CNTNAP2: variants seen among roughly 807,000 people sequenced by gnomAD.
The protein encoded by CNTNAP2 is contactin-associated protein-like 2.
A neutral mutation model predicts 155.2 loss-of-function variants in CNTNAP2; 98 were observed. The observed-to-expected ratio is 0.63, with a 90% CI of 0.54 to 0.75. The LOEUF (loss-of-function observed/expected upper bound fraction) is 0.75, where lower values mean the gene tolerates loss of function less well. Among genes scored for constraint, CNTNAP2 ranks in the 30% least tolerant of loss-of-function variants. The pLI is 0.00. For synonymous variants in CNTNAP2, 651 were observed against 631.2 expected (o/e 1.03, Z -0.47); for missense variants, 1,727 against 1,688.1 (o/e 1.02, Z -0.40).
rs140660972 is a variant in CNTNAP2, at chr7:147,381,982, A to G, written c.1499-13627A>G. Among the ~76,000 whole-genome samples the G allele has an allele frequency of 3.4e-3, 519 of 152,174 alleles. 4 individuals are homozygous for G. Among genetic ancestry groups the G allele is most frequent in the East Asian group, 0.023 (118 of 5,182 alleles). On this transcript the variant is annotated intron_variant, in intron 9 of 23. Transcript: ENST00000361727. ...TTATGAAATATTCTAGCTAAAGTAT[A>G]ATTTAAAATAATATGGCTACTCTAA...
At chr7:147,747,299 A>G (rs971779932) in intron 13 of CNTNAP2, among the ~76,000 whole-genome samples, 1 of 152,178 alleles carries the variant, frequency 6.6e-6, no homozygotes, top group Non-Finnish European at 1.5e-5. Flanking sequence ...TCTCAATCAC[A>G]TCAGACTGGC....
chr7:147,526,115 A>G (rs1230005770), intron 11 of CNTNAP2, among the ~76,000 whole-genome samples: 2 of 150,340 alleles, frequency 1.3e-5, no homozygotes, highest in African/African-American at 4.9e-5. Flanking sequence ...TTGCTTGAAC[A>G]TGGGAGGAGG....
chr7:148,149,246 C>G (rs1358238137), intron 17 of CNTNAP2, among the ~76,000 whole-genome samples: 1 of 152,022 alleles, frequency 6.6e-6, no homozygotes, highest in East Asian at 1.9e-4. Flanking sequence ...TTTTGAAGAC[C>G]TAGTAAGGTT....
intron 18 of CNTNAP2, among the ~76,000 whole-genome samples, chr7:148,180,266 A>C (rs1034193933): frequency 2.0e-5 from 3 of 152,344 alleles, no homozygotes. Flanking sequence ...GAGGTTTGAC[A>C]GATTTGGAAG....
chr7:146,665,800 A>AAAAAAAAAAAAAAACAAAAAAAAAAAC (rs1563179456), intron 1 of CNTNAP2, among the ~76,000 whole-genome samples: 1 of 144,708 alleles, frequency 6.9e-6, no homozygotes, highest in East Asian at 2.0e-4. Flanking sequence ...AAAAAAAAAT[A>AAAAAAAAAAAAAAACAAAAAAAAAAAC]CATTTTGTAA....
intron 15 of CNTNAP2, among the ~76,000 whole-genome samples, chr7:148,025,902 A>C (rs993715): frequency 0.74 from 111,780 of 152,042 alleles, 41,666 homozygotes; most frequent in East Asian, 0.86. Flanking sequence ...ATTAAGATGC[A>C]TATGTGGCTA....
chr7:146,471,164 A>G (rs1361429107), intron 1 of CNTNAP2, among the ~76,000 whole-genome samples: 1 of 152,240 alleles, frequency 6.6e-6, no homozygotes, highest in Non-Finnish European at 1.5e-5. Context: ...GGTGGATCTG[A>G]TAAAAATCTT....
chr7:147,210,956 G>C (rs1017844842), intron 8 of CNTNAP2, among the ~76,000 whole-genome samples: 2 of 150,040 alleles, frequency 1.3e-5, no homozygotes, highest in African/African-American at 2.4e-5. Flanking sequence ...GTATGATTTA[G>C]ATTTTTTTGT....
intron 1 of CNTNAP2, among the ~76,000 whole-genome samples, chr7:146,646,450 T>C (rs770711040): frequency 7.2e-5 from 11 of 152,186 alleles, no homozygotes; most frequent in Non-Finnish European, 7.4e-5. Flanking sequence ...AGTAGTATAA[T>C]ATATAGTAAC....
At chr7:147,607,961 G>A (rs1801104064) in intron 12 of CNTNAP2, among the ~76,000 whole-genome samples, 1 of 152,092 alleles carries the variant, frequency 6.6e-6, no homozygotes, top group African/African-American at 2.4e-5. Context: ...ACCCTAGCAG[G>A]TGCCTGAAAA....
chr7:147,150,700 T>G (rs1314747146), intron 8 of CNTNAP2, among the ~76,000 whole-genome samples: 2 of 152,208 alleles, frequency 1.3e-5, no homozygotes, highest in Admixed American at 1.3e-4. Flanking sequence ...TGTTGATTTA[T>G]TGTCTACTCC....
chr7:148,151,567 A>G (rs1331990413), intron 17 of CNTNAP2, among the ~76,000 whole-genome samples: 1 of 152,168 alleles, frequency 6.6e-6, no homozygotes, highest in African/African-American at 2.4e-5. Flanking sequence ...AAGTGCTGGG[A>G]TTACAGGCAT....
At chr7:148,318,290 TGG>T (rs1463384238) in intron 21 of CNTNAP2, among the ~76,000 whole-genome samples, 8 of 152,196 alleles carry the variant, frequency 5.3e-5, no homozygotes, top group Admixed American at 5.2e-4. Context: ...GTCGCCTGCT[TGG>T]CTTGCCCTGC....
chr7:147,863,136 T>G (rs1799165630), intron 13 of CNTNAP2, among the ~76,000 whole-genome samples: 1 of 152,256 alleles, frequency 6.6e-6, no homozygotes, highest in East Asian at 1.9e-4. Context: ...TGTGTCCAAG[T>G]GTTCTCATTG....
At chr7:146,627,905 TTCAATTCC>T (rs1460837041) in intron 1 of CNTNAP2, among the ~76,000 whole-genome samples, 1 of 152,142 alleles carries the variant, frequency 6.6e-6, no homozygotes, top group Non-Finnish European at 1.5e-5. Context: ...AAGTTTCAGC[TTCAATTCC>T]TCAGTTTTGT....
chr7:146,459,552 A>C (rs946428568), intron 1 of CNTNAP2, among the ~76,000 whole-genome samples: 3 of 152,220 alleles, frequency 2.0e-5, no homozygotes, highest in Non-Finnish European at 4.4e-5. Flanking sequence ...TATAAAGTGC[A>C]TGGAGTGTCA....
At chr7:146,334,430 CAAA>C (rs1179295401) in intron 1 of CNTNAP2, among the ~76,000 whole-genome samples, 5 of 94,018 alleles carry the variant, frequency 5.3e-5, no homozygotes, top group Non-Finnish European at 4.4e-5. Flanking sequence ...GACTCCGTCT[CAAA>C]AAAAAAAAAA....
intron 10 of CNTNAP2, among the ~76,000 whole-genome samples, chr7:147,480,413 T>C (rs908422596): frequency 3.9e-5 from 6 of 152,200 alleles, no homozygotes; most frequent in African/African-American, 1.2e-4. Context: ...AGCACTGTTA[T>C]ATGTATGTGG....
At chr7:147,778,674 G>A (rs1797623048) in intron 13 of CNTNAP2, among the ~76,000 whole-genome samples, 1 of 152,144 alleles carries the variant, frequency 6.6e-6, no homozygotes, top group South Asian at 2.1e-4. Flanking sequence ...TTTTATATTT[G>A]TGTTTTTACT....
Sources: gnomAD v4.1 joint callset for allele counts (sites outside exome capture counted in the v4.1 genomes callset) on GRCh38, gnomAD v4.1.1 for gene constraint, MANE v1.5 for transcripts, NCBI Gene and HGNC (gene_info 2026-07-23, HGNC 2026-07-21) for gene names.